RAB31: variants seen among roughly 807,000 people sequenced by gnomAD.
The protein encoded by RAB31 is ras-related protein Rab-31.
In RAB31, 21 loss-of-function variants were observed where a neutral mutation model predicts 25.6. That is an observed-to-expected ratio of 0.82 (90% CI 0.58 to 1.18). The LOEUF is 1.18. Among genes scored for constraint, RAB31 ranks in the 50% most tolerant of loss-of-function variants. The pLI, the probability that RAB31 is intolerant of heterozygous loss-of-function variation, is 0.00. For missense variants in RAB31, 196 were observed against 250.1 expected, an observed-to-expected ratio of 0.78 and a Z score of 1.46; for synonymous variants, 87 against 84.0, an observed-to-expected ratio of 1.04 and a Z score of -0.20.
At chr18:9,778,749 G>A (rs1178568181) in intron 2 of RAB31, among the ~76,000 whole-genome samples, 1 of 152,186 alleles carries the variant, frequency 6.6e-6, no homozygotes, top group Non-Finnish European at 1.5e-5. Flanking sequence ...GGGATTATAG[G>A]CGTGAGCCAC....
chr18:9,784,907 A>G (rs7235077), intron 2 of RAB31, among the ~76,000 whole-genome samples: 24,461 of 152,178 alleles, frequency 0.16, 2,605 homozygotes, highest in East Asian at 0.32. Flanking sequence ...TCCAGGATAT[A>G]TAAAGTTGAG....
chr18:9,777,703 T>C (rs1478243561), intron 2 of RAB31, among the ~76,000 whole-genome samples: 1 of 152,058 alleles, frequency 6.6e-6, no homozygotes, highest in East Asian at 1.9e-4. Flanking sequence ...CCTTCTACTT[T>C]CTAAACTTTT....
intron 5 of RAB31, among the ~76,000 whole-genome samples, chr18:9,834,102 T>G (rs1284746455): frequency 6.6e-6 from 1 of 152,170 alleles, no homozygotes; most frequent in African/African-American, 2.4e-5. Flanking sequence ...CAAATAGTTC[T>G]CCACTATGCA....
At chr18:9,753,567 C>T (rs531153517) in intron 1 of RAB31, among the ~76,000 whole-genome samples, 1 of 152,302 alleles carries the variant, frequency 6.6e-6, no homozygotes, top group South Asian at 2.1e-4. Context: ...CTATAAATAA[C>T]AGAAAATGGA....
At chr18:9,744,443 A>G (rs2068195548) in intron 1 of RAB31, among the ~76,000 whole-genome samples, 1 of 152,230 alleles carries the variant, frequency 6.6e-6, no homozygotes, top group Admixed American at 6.5e-5. Context: ...TGGTTGTAAC[A>G]TCTTATTAAT....
chr18:9,736,046 C>T (rs189033838), intron 1 of RAB31, among the ~76,000 whole-genome samples: 132 of 152,046 alleles, frequency 8.7e-4, no homozygotes, highest in South Asian at 1.7e-3. Flanking sequence ...TAGGTTGCCC[C>T]GGCTGGTCTG....
chr18:9,816,737 G>A (rs2191618), intron 5 of RAB31, among the ~76,000 whole-genome samples: 78,651 of 151,982 alleles, frequency 0.52, 21,302 homozygotes, highest in East Asian at 0.97. Flanking sequence ...TAGCTGTTTT[G>A]CTAAATAAAT....
intron 1 of RAB31, chr18:9,723,566 C>T (rs882013): frequency 0.78 from 118,551 of 152,114 alleles, 46,449 homozygotes; most frequent in East Asian, 0.87. Context: ...AGAACACCTG[C>T]GACTGGGTAA....
intron 3 of RAB31, among the ~76,000 whole-genome samples, chr18:9,812,111 T>G (rs2068575185): frequency 6.6e-6 from 1 of 152,152 alleles, no homozygotes; most frequent in African/African-American, 2.4e-5. Context: ...CTGGTCTCCT[T>G]CTCTCCTTAT....
intron 5 of RAB31, 159 bp downstream of exon 5, chr18:9,815,381 T>C: frequency 1.8e-5 from 1 of 55,864 alleles, no homozygotes; most frequent in Non-Finnish European, 3.0e-5. Context: ...TCCCTGAGTG[T>C]CATGCGTGTA....
intron 1 of RAB31, among the ~76,000 whole-genome samples, chr18:9,753,633 T>C (rs2068246219): frequency 6.6e-6 from 1 of 152,224 alleles, no homozygotes; most frequent in African/African-American, 2.4e-5. Flanking sequence ...TGAAGGCCTC[T>C]CCTGGTCCAG....
intron 1 of RAB31, among the ~76,000 whole-genome samples, chr18:9,772,696 C>G (rs910013493): frequency 6.6e-6 from 1 of 152,140 alleles, no homozygotes; most frequent in Non-Finnish European, 1.5e-5. Context: ...GGGGAGAGGT[C>G]CCCACCCTGC....
At chr18:9,723,105 T>C (rs1397929904) in intron 1 of RAB31, among the ~76,000 whole-genome samples, 1 of 152,144 alleles carries the variant, frequency 6.6e-6, no homozygotes, top group East Asian at 1.9e-4. Flanking sequence ...TGGAGTGCAG[T>C]GGTGTGGTCT....
At chr18:9,807,327 A>G (rs2068546993) in intron 3 of RAB31, among the ~76,000 whole-genome samples, 1 of 152,212 alleles carries the variant, frequency 6.6e-6, no homozygotes. Flanking sequence ...TGTGACCTTG[A>G]GGCTAAGGAT....
intron 2 of RAB31, chr18:9,787,589 G>A (rs111875193): frequency 2.9e-4 from 50 of 173,210 alleles, no homozygotes; most frequent in Non-Finnish European, 5.3e-4. Flanking sequence ...ATACTGGAGA[G>A]AAGCCTTCCA....
chr18:9,788,231 G>A (rs566248965), intron 2 of RAB31, among the ~76,000 whole-genome samples: 1 of 152,242 alleles, frequency 6.6e-6, no homozygotes, highest in Admixed American at 6.5e-5. Flanking sequence ...AATTGGGCAA[G>A]GAATCTGAGT....
At chr18:9,761,809 T>A (rs894251735) in intron 1 of RAB31, among the ~76,000 whole-genome samples, 9 of 152,084 alleles carry the variant, frequency 5.9e-5, no homozygotes, top group Non-Finnish European at 1.0e-4. Flanking sequence ...TTCATTTGTT[T>A]ATTTATTTAT....
intron 1 of RAB31, among the ~76,000 whole-genome samples, chr18:9,717,650 G>GGAGAAAGT (rs570343370): frequency 2.3e-3 from 351 of 152,182 alleles, no homozygotes; most frequent in Non-Finnish European, 4.0e-3. Context: ...AAGGACAGAG[G>GGAGAAAGT]GAGAAAGTGG....
At chr18:9,836,342 C>T (rs2068704103) in intron 5 of RAB31, among the ~76,000 whole-genome samples, 1 of 152,040 alleles carries the variant, frequency 6.6e-6, no homozygotes, top group African/African-American at 2.4e-5. Flanking sequence ...GTATGAACCA[C>T]CAGAGAATTT....
Sources: gnomAD v4.1 joint callset for allele counts (sites outside exome capture counted in the v4.1 genomes callset) on GRCh38, gnomAD v4.1.1 for gene constraint, MANE v1.5 for transcripts, NCBI Gene and HGNC (gene_info 2026-07-23, HGNC 2026-07-21) for gene names.